Variants in ADRA1A observed in about 807,000 individuals in gnomAD.
The protein encoded by ADRA1A is adrenoceptor alpha 1A.
ADRA1A carries 31 observed loss-of-function variants against 29.6 expected under a neutral mutation model. The ratio of observed to expected loss-of-function variants is 1.05; its 90% CI spans 0.79 to 1.41. The LOEUF is 1.41. Ranked by LOEUF, ADRA1A falls within the 40% of genes most tolerant of loss-of-function variation. The probability of loss-of-function intolerance (pLI) is 0.00; values close to 1 mark genes in which losing one functional copy is unlikely to be tolerated. For synonymous variants in ADRA1A, 311 were observed against 254.3 expected (o/e 1.22, Z -2.12); for missense variants, 619 against 601.1 (o/e 1.03, Z -0.31).
At chr8:26,789,230 T>A (rs1807635588) in intron 2 of ADRA1A, among the ~76,000 whole-genome samples, 1 of 152,066 alleles carries the variant, frequency 6.6e-6, no homozygotes, top group Non-Finnish European at 1.5e-5. Flanking sequence ...AGAACAAAGC[T>A]AGAGGCAACA....
chr8:26,820,230 AC>A (rs1810060554), intron 2 of ADRA1A, among the ~76,000 whole-genome samples: 2 of 152,236 alleles, frequency 1.3e-5, no homozygotes, highest in Admixed American at 1.3e-4. Context: ...CTTGAATTAT[AC>A]TACATACCAA....
chr8:26,761,704 A>G (rs1805512142), downstream of ADRA1A, among the ~76,000 whole-genome samples: 1 of 152,206 alleles, frequency 6.6e-6, no homozygotes, highest in African/African-American at 2.4e-5. Context: ...ATTTGTTATG[A>G]TTGGCTAGGA....
chr8:26,837,315 G>T (rs1811451418), intron 2 of ADRA1A, among the ~76,000 whole-genome samples: 1 of 152,158 alleles, frequency 6.6e-6, no homozygotes, highest in African/African-American at 2.4e-5. Context: ...GATAGGAAGA[G>T]AAGTAGTCAC....
chr8:26,766,319 C>G (rs1274855221), downstream of ADRA1A, among the ~76,000 whole-genome samples: 1 of 152,228 alleles, frequency 6.6e-6, no homozygotes, highest in Non-Finnish European at 1.5e-5. Flanking sequence ...TCAGCAACTG[C>G]ATTTTACTGT....
In ADRA1A at chr8:26,825,911, T is replaced by C. The variant is rs1458675739; in HGVS notation, c.883+38176A>G. Among the ~76,000 whole-genome samples, 1 of 152,232 alleles carries C rather than the reference T, an allele frequency of 6.6e-6. No individual in the cohort carries two copies. The highest frequency in any genetic ancestry group is 2.4e-5 in the African/African-American group (1 of 41,466). On this transcript the variant is annotated intron_variant, in intron 2 of 2. Transcript: ENST00000380573. The surrounding 1 kb of genome is among the most constrained non-coding windows in gnomAD (Gnocchi z 5.7). ...ACATGAGCCCCATTCCTTGAATTCC[T>C]ACAATGTCCCAAGTGCTGAGCTGGG...
intron 2 of ADRA1A, among the ~76,000 whole-genome samples, chr8:26,780,383 CTT>C (rs1266748871): frequency 1.3e-5 from 2 of 152,164 alleles, no homozygotes; most frequent in Non-Finnish European, 2.9e-5. Flanking sequence ...TTCACTCTAA[CTT>C]TGTTAGTTCA....
At chr8:26,830,510 A>G (rs990257389) in intron 2 of ADRA1A, among the ~76,000 whole-genome samples, 1 of 152,252 alleles carries the variant, frequency 6.6e-6, no homozygotes, top group African/African-American at 2.4e-5. Context: ...GACACCCTGA[A>G]GCCAGACAAT....
rs377474597 is a variant in ADRA1A, at chr8:26,756,731, G to C, written c.*28C>G. 1.9e-5 allele frequency: 30 copies of C among 1,614,154 alleles called. No homozygotes were observed. In the African/African-American group the frequency reaches 3.7e-4, roughly 20 times the overall value. On this transcript the variant is annotated 3_prime_UTR_variant, in exon 3 of 3. Coordinates refer to the ADRA1A transcript ENST00000380582. Reference sequence around the variant, plus strand: ...ATGCTCCCCTTCCTTGGGCAGTAAGGACAACAGTCGTGGACGGGAAGCTGG... The same window carrying C: ...ATGCTCCCCTTCCTTGGGCAGTAAGCACAACAGTCGTGGACGGGAAGCTGG...
At chr8:26,861,470 C>G (rs1813463673) in intron 2 of ADRA1A, among the ~76,000 whole-genome samples, 1 of 151,938 alleles carries the variant, frequency 6.6e-6, no homozygotes, top group Non-Finnish European at 1.5e-5. Context: ...TCTTATCTCT[C>G]TTTACTCTCT....
At chr8:26,785,434 G>C (rs916025259) in intron 2 of ADRA1A, among the ~76,000 whole-genome samples, 3 of 152,132 alleles carry the variant, frequency 2.0e-5, no homozygotes, top group African/African-American at 7.2e-5. Flanking sequence ...TCAACATTCA[G>C]AAAAGATCAG....
At chr8:26,789,720 C>A (rs1233005098) in intron 2 of ADRA1A, among the ~76,000 whole-genome samples, 1 of 152,028 alleles carries the variant, frequency 6.6e-6, no homozygotes, top group African/African-American at 2.4e-5. Context: ...ATGCATCTGA[C>A]AACAGATTAA....
chr8:26,847,166 A>T (rs1424229421), intron 2 of ADRA1A, among the ~76,000 whole-genome samples: 2 of 152,172 alleles, frequency 1.3e-5, no homozygotes, highest in African/African-American at 2.4e-5. Context: ...ACATGTATAC[A>T]TATGTAACTA....
intron 2 of ADRA1A, chr8:26,757,102 G>C (rs1477384485): frequency 1.4e-6 from 1 of 702,656 alleles, no homozygotes; most frequent in Admixed American, 2.0e-5. Flanking sequence ...CCTTGCAGCT[G>C]CTTCTCAAAA....
rs374658731 is a variant in ADRA1A at position 26,865,739 on chromosome 8, A to G, written c.-686-84T>C. On this transcript the variant is annotated intron_variant, in intron 1 of 2. Transcript: ENST00000380573. The surrounding 1 kb of genome is among the most constrained non-coding windows in gnomAD (Gnocchi z 7.6). ...TGCTGAGCTTGACGGGTTGGGGGAC[A>G]CCAGTTGGGAGCCGGGTTGGTTCTG... 5.2e-5 allele frequency: 51 copies of G among 984,446 alleles called. No homozygotes were observed. In the African/African-American group the frequency reaches 8.6e-4, roughly 17 times the overall value. The allele number at this position is 984,446 out of a possible 1,614,324, so 61.0% of individuals were successfully genotyped here.
chr8:26,866,132 C>G lies in ADRA1A; in HGVS notation c.-686-477G>C, dbSNP rs1431682500. Among the ~76,000 whole-genome samples the G allele has an allele frequency of 6.6e-6, 1 of 152,160 alleles. No individual in the cohort carries two copies. Among genetic ancestry groups the G allele is most frequent in the African/African-American group, 2.4e-5 (1 of 41,452 alleles). ...CCTGGGAGAGGGAACAGCTGCGACC[C>G]AGGGACCTCAGGGCCAGGACCACGA... On this transcript the variant is annotated intron_variant, in intron 1 of 2. Coordinates refer to ENST00000380573, the MANE Select transcript of ADRA1A (RefSeq NM_000680.4). The surrounding 1 kb of genome is among the most constrained non-coding windows in gnomAD (Gnocchi z 5.7).
chr8:26,803,800 G>A (rs1486735402), intron 2 of ADRA1A, among the ~76,000 whole-genome samples: 1 of 152,056 alleles, frequency 6.6e-6, no homozygotes, highest in Non-Finnish European at 1.5e-5. Flanking sequence ...AATAGCTGAT[G>A]AGCACAGGAA....
chr8:26,765,722 A>G, downstream of ADRA1A: 1 of 936,330 alleles, frequency 1.1e-6, no homozygotes, highest in Non-Finnish European at 1.3e-6. Flanking sequence ...TAATGAGCAG[A>G]GCTCTTTCTT....
intron 2 of ADRA1A, chr8:26,859,160 A>G (rs915973678): frequency 4.7e-6 from 6 of 1,290,056 alleles, no homozygotes; most frequent in Non-Finnish European, 4.0e-6. Context: ...GCAGACCGAC[A>G]GCCCTTTTCT....
In ADRA1A at chr8:26,770,112, C is replaced by A. The variant is rs770485145; in HGVS notation, c.*37G>T. ...TCCGAGAAGGAAGTGGGGTGGGTACCTAAGATTATTCCCCTTTCCTCTGCA... is the reference window on the plus strand; with the variant it reads ...TCCGAGAAGGAAGTGGGGTGGGTACATAAGATTATTCCCCTTTCCTCTGCA... On this transcript the variant is annotated 3_prime_UTR_variant, in exon 3 of 3. Transcript: ENST00000380573. The A allele has an allele frequency of 1.2e-5, 18 of 1,519,430 alleles. No individual in the cohort carries two copies. Among genetic ancestry groups the A allele is most frequent in the Admixed American group, 8.8e-5 (4 of 45,464 alleles). The allele number at this position is 1,519,430 out of a possible 1,614,324, so 94.1% of individuals were successfully genotyped here. A position where few individuals can be genotyped will look rare whatever the true frequency, so the allele number is the denominator to read the frequency against.
Sources: allele counts gnomAD v4.1 joint callset (sites outside exome capture counted in the v4.1 genomes callset), GRCh38; gene constraint gnomAD v4.1.1; non-coding constraint Gnocchi (gnomAD v3.1); transcripts MANE v1.5; gene names NCBI Gene and HGNC (gene_info 2026-07-23, HGNC 2026-07-21).